The following CASTOR1 variants were observed in gnomAD, a reference collection of about 807,000 sequenced individuals.
The protein encoded by CASTOR1 is GATS protein like 3.
A neutral mutation model predicts 33.7 loss-of-function variants in CASTOR1; 18 were observed. The observed-to-expected ratio is 0.53, with a 90% confidence interval of 0.37 to 0.79. The LOEUF (loss-of-function observed/expected upper bound fraction) is 0.79, where lower values mean the gene tolerates loss of function less well. CASTOR1 is among the 30% of genes least tolerant of loss of function. CASTOR1 has a pLI of 0.00. For synonymous variants in CASTOR1, 175 were observed against 190.6 expected (o/e 0.92, Z 0.67); for missense variants, 362 against 446.3 (o/e 0.81, Z 1.70).
At chr22:30,288,596 G>A (rs1601663899) in intron 2 of CASTOR1, 110 bp downstream of exon 2, 2 of 907,660 alleles carry the variant, frequency 2.2e-6, no homozygotes, top group East Asian at 5.2e-5. Context: ...CGACCCATCT[G>A]CTTTTAAGGC....
intron 2 of CASTOR1, 105 bp from the exon 3 acceptor site, chr22:30,287,665 G>A: frequency 8.9e-7 from 1 of 1,126,460 alleles, no homozygotes; most frequent in Non-Finnish European, 1.3e-6. Context: ...ATCAAGGTAA[G>A]GGCAGGTCTG....
chr22:30,286,015 C>A lies in CASTOR1; in HGVS notation c.826+1G>T. The A allele has an allele frequency of 6.3e-7, 1 of 1,596,004 alleles. No individual in the cohort carries two copies. The stretch of plus-strand genomic sequence containing the variant: ...CCCCCAACACCGGGAACAGCCCTCA[C>A]CAAAGCCCAGGGGCTGTCCACCGAT... On this transcript the variant is annotated splice_donor_variant, in intron 7 of 8. Coordinates refer to ENST00000407689, the MANE Select transcript of CASTOR1 (RefSeq NM_001037666.3). LOFTEE classifies it high-confidence loss of function.
At chr22:30,285,726 A>T in intron 8 of CASTOR1, 38 bp from the exon 9 acceptor site, 1 of 1,540,372 alleles carries the variant, frequency 6.5e-7, no homozygotes. Flanking sequence ...GTCAAGGCGG[A>T]AGCTGGCCAG....
In CASTOR1 at chr22:30,285,422, C is replaced by T. The variant is rs1272666507; in HGVS notation, c.*198G>A. ...GGCAGACACGCAGTCAGGCTAGCAC[C>T]TGCCCACTCCACCTGTGAGTGTACA... is the stretch of plus-strand genomic sequence containing the variant. On this transcript the variant is annotated 3_prime_UTR_variant, in exon 9 of 9. Transcript: ENST00000407689. 1 of 542,574 alleles carries T rather than the reference C, an allele frequency of 1.8e-6. No homozygotes were observed. Among genetic ancestry groups the T allele is most frequent in the African/African-American group, 2.0e-5 (1 of 51,028 alleles). The allele number at this position is 542,574 out of a possible 1,614,324, so 33.6% of individuals were successfully genotyped here.
At chr22:30,288,846 T>A in intron 1 of CASTOR1, 70 bp from the exon 2 acceptor site, 1 of 1,355,364 alleles carries the variant, frequency 7.4e-7, no homozygotes, top group Non-Finnish European at 1.0e-6. Flanking sequence ...TTTCTCTCCA[T>A]CTGCCCCGAG....
rs368955430 is a variant in CASTOR1 at position 30,287,449 on chromosome 22, C to T, written c.296G>A (p.Arg99His). 3.7e-6 allele frequency: 6 copies of T among 1,613,414 alleles called. No homozygotes were observed. Among genetic ancestry groups the T allele is most frequent in the Non-Finnish European group, 5.1e-6 (6 of 1,180,044 alleles). The change falls in exon 3 of 9, where the codon CGT becomes CAT. Residue 99 changes from arginine to histidine, a missense_variant. Transcript: ENST00000407689. Reference protein sequence around the residue: ...VQAAGVTKIARSVIAPLAEHH... With the variant: ...VQAAGVTKIAHSVIAPLAEHH... ...CTCGGCCAGTGGCGCGATGACCGAA[C>T]GGGCGATCTTGGTGACCCCAGCAGC...
intron 5 of CASTOR1, 176 bp downstream of exon 5, chr22:30,286,649 G>T: frequency 1.2e-6 from 1 of 846,656 alleles, no homozygotes; most frequent in Non-Finnish European, 1.9e-6. Flanking sequence ...AAGGGATCCA[G>T]CTTTGGGGCA....
At position 30,285,553 on chromosome 22, in the gene CASTOR1, CT is replaced by C. The variant is rs1929731985; in HGVS notation, c.*66del. 5 of 1,259,792 alleles carry C rather than the reference CT, an allele frequency of 4.0e-6. No homozygotes were observed. In the South Asian group the frequency reaches 6.5e-5, roughly 16 times the overall value. 78.0% of individuals were successfully genotyped at this position (1,259,792 alleles called of 1,614,324 possible). A position where few individuals can be genotyped will look rare whatever the true frequency, so the allele number is the denominator to read the frequency against. ...CTCGTTCCAGAGCTTAAGGAAATAG[CT>C]TAGAGAAGTCTTTGGAAGCCTGGGT... On this transcript the variant is annotated 3_prime_UTR_variant, in exon 9 of 9. Coordinates refer to ENST00000407689, the MANE Select transcript of CASTOR1 (RefSeq NM_001037666.3).
chr22:30,287,111 G>A (rs1449934272), intron 4 of CASTOR1, 44 bp downstream of exon 4: 1 of 1,576,590 alleles, frequency 6.3e-7, no homozygotes, highest in Non-Finnish European at 8.6e-7. Context: ...CCAGTGGGAA[G>A]AGGAGGCCCT....
At position 30,286,298 on chromosome 22, in the gene CASTOR1, A is replaced by G. The variant is rs1929765046; in HGVS notation, c.708T>C (p.Tyr236=). The G allele has an allele frequency of 6.2e-7, 1 of 1,613,814 alleles. No individual in the cohort carries two copies. Among genetic ancestry groups the G allele is most frequent in the Admixed American group, 1.7e-5 (1 of 60,024 alleles). The change falls in exon 6 of 9, where the codon TAT becomes TAC. Residue 236 remains tyrosine (Y), a synonymous_variant. Coordinates refer to ENST00000407689, the MANE Select transcript of CASTOR1 (RefSeq NM_001037666.3). ...TFFAFSLIEG[Y]ISIVMDAETQ... ...TTTCAGCATCCATGACAATGGAGAT[A>G]TAACCCTCGATGAGGGAGAAGGCAA... is the stretch of plus-strand genomic sequence containing the variant.
At position 30,287,426 on chromosome 22, in the gene CASTOR1, CG is replaced by C. The variant is rs1569156394; in HGVS notation, c.318del (p.Glu107SerfsTer7). 2 of 1,613,416 alleles carry C rather than the reference CG, an allele frequency of 1.2e-6. No individual in the cohort carries two copies. The highest frequency in any genetic ancestry group is 3.3e-5 in the Admixed American group (2 of 60,018). ...AGCATCAGCACAGACACGTGGTGCT[CG>C]GCCAGTGGCGCGATGACCGAACGGG... ...KIARSVIAPLAEHHVSVLMLS... is the reference protein window; with the variant it reads ...KIARSVIAPLXEHHVSVLMLS... On this transcript the variant is annotated frameshift_variant, in exon 3 of 9. Coordinates refer to ENST00000407689, the MANE Select transcript of CASTOR1 (RefSeq NM_001037666.3). LOFTEE classifies it high-confidence loss of function.
chr22:30,287,622 C>T, intron 2 of CASTOR1, 62 bp from the exon 3 acceptor site: 1 of 1,462,128 alleles, frequency 6.8e-7, no homozygotes, highest in Non-Finnish European at 9.2e-7. Context: ...CTCTCTGAGC[C>T]TCAGTTTCCC....
intron 7 of CASTOR1, 43 bp from the exon 8 acceptor site, chr22:30,285,969 G>T (rs1367565297): frequency 5.1e-6 from 8 of 1,581,824 alleles, no homozygotes; most frequent in Non-Finnish European, 6.9e-6. Context: ...CATGCCGGTT[G>T]CTCCCCAGAC....
chr22:30,289,232 C>T, intron 1 of CASTOR1, 153 bp downstream of exon 1: 1 of 640,472 alleles, frequency 1.6e-6, no homozygotes, highest in Non-Finnish European at 2.7e-6. Flanking sequence ...GGCGGTCCCC[C>T]AGGCCGGATG....
intron 2 of CASTOR1, among the ~76,000 whole-genome samples, chr22:30,288,332 G>C (rs766300875): frequency 5.1e-4 from 78 of 152,210 alleles, no homozygotes; most frequent in Non-Finnish European, 9.0e-4. Context: ...CCAAACCAGA[G>C]AGTAAGACCA....
In CASTOR1 at chr22:30,287,573, G is replaced by A; in HGVS notation, c.185-13C>T. On this transcript the variant is annotated splice_polypyrimidine_tract_variant and intron_variant, in intron 2 of 8. Coordinates refer to ENST00000407689, the MANE Select transcript of CASTOR1 (RefSeq NM_001037666.3). The stretch of plus-strand genomic sequence containing the variant: ...GATGGGGGCAGCTCTGTGGGCAGGG[G>A]ACATGTCAGGTCAGGGTCTACAAGG... 6.2e-7 allele frequency: 1 copy of A among 1,601,738 alleles called. No individual in the cohort carries two copies. Among genetic ancestry groups the A allele is most frequent in the Non-Finnish European group, 8.5e-7 (1 of 1,174,530 alleles).
chr22:30,289,307 TC>T, intron 1 of CASTOR1, 77 bp downstream of exon 1: 2 of 1,082,008 alleles, frequency 1.8e-6, no homozygotes, highest in Non-Finnish European at 2.7e-6. Flanking sequence ...CTTACGGCGA[TC>T]CTAATCCTCC....
intron 1 of CASTOR1, 162 bp from the exon 2 acceptor site, chr22:30,288,938 C>T (rs1384943620): frequency 6.8e-6 from 4 of 587,916 alleles, no homozygotes; most frequent in Non-Finnish European, 1.2e-5. Context: ...AGCCCCATCT[C>T]GGGGGTTGGG....
At chr22:30,285,989 C>T (rs776262884) in intron 7 of CASTOR1, 27 bp downstream of exon 7, 4 of 1,581,638 alleles carry the variant, frequency 2.5e-6, no homozygotes, top group African/African-American at 2.7e-5. Flanking sequence ...CACTCCCCAG[C>T]CCCCCAACAC....
Sources: allele counts gnomAD v4.1 joint callset (sites outside exome capture counted in the v4.1 genomes callset), GRCh38; gene constraint gnomAD v4.1.1; transcripts MANE v1.5; gene names NCBI Gene and HGNC (gene_info 2026-07-23, HGNC 2026-07-21).